Variants in ERH observed in about 807,000 individuals in gnomAD.
ERH encodes ERH mRNA splicing and mitosis factor.
A neutral mutation model predicts 16.8 loss-of-function variants in ERH; 1 was observed. The ratio of observed to expected loss-of-function variants is 0.06; its 90% CI spans 0.02 to 0.28. ERH has a LOEUF of 0.28. Among genes scored for constraint, ERH ranks in the 10% least tolerant of loss-of-function variants. The pLI is 1.00. For missense variants in ERH, 42 were observed against 127.5 expected, an observed-to-expected ratio of 0.33 and a Z score of 3.23; for synonymous variants, 43 against 43.6, an observed-to-expected ratio of 0.99 and a Z score of 0.05.
At chr14:69,388,644 G>A (rs930404536) in intron 2 of ERH, among the ~76,000 whole-genome samples, 1 of 152,106 alleles carries the variant, frequency 6.6e-6, no homozygotes, top group Non-Finnish European at 1.5e-5. Flanking sequence ...TTACAGGCTT[G>A]AGCCATCGTG....
intron 3 of ERH, among the ~76,000 whole-genome samples, chr14:69,385,153 A>G (rs1402351240): frequency 6.6e-6 from 1 of 152,124 alleles, no homozygotes; most frequent in Non-Finnish European, 1.5e-5. Flanking sequence ...TATGCCCTCA[A>G]CCTTTAGCAA....
chr14:69,388,363 C>CTT, intron 2 of ERH, among the ~76,000 whole-genome samples: 1 of 148,724 alleles, frequency 6.7e-6, no homozygotes, highest in African/African-American at 2.5e-5. Flanking sequence ...TAATACTCTC[C>CTT]TTTTTTTTTT....
At position 69,392,209 on chromosome 14, in the gene ERH, G is replaced by GA. The variant is rs150769493; in HGVS notation, c.91+2615dup. Among the ~76,000 whole-genome samples, 240 of 131,130 alleles carry GA rather than the reference G, an allele frequency of 1.8e-3. 1 individual carries two copies. The highest frequency in any genetic ancestry group is 7.6e-3 in the Middle Eastern group (2 of 262). The allele number at this position is 131,130 out of a possible 152,430, so 86.0% of individuals were successfully genotyped here. A position where few individuals can be genotyped will look rare whatever the true frequency, so the allele number is the denominator to read the frequency against. On this transcript the variant is annotated intron_variant, in intron 2 of 3. Transcript: ENST00000557016. Reference sequence around the variant, plus strand: ...ATCTACAGGGGAATATTTACTACAAGAAAAAAAAAAAAAGAATAATAAAAT... The same window carrying GA: ...ATCTACAGGGGAATATTTACTACAAGAAAAAAAAAAAAAAGAATAATAAAAT...
chr14:69,389,856 T>C (rs1179721890), intron 2 of ERH, among the ~76,000 whole-genome samples: 6 of 152,156 alleles, frequency 3.9e-5, no homozygotes, highest in African/African-American at 1.4e-4. Flanking sequence ...ACTGCAGCCT[T>C]GACCTCTTAA....
At chr14:69,392,391 A>G (rs1882240393) in intron 2 of ERH, among the ~76,000 whole-genome samples, 1 of 152,212 alleles carries the variant, frequency 6.6e-6, no homozygotes. Flanking sequence ...TAATAAATGC[A>G]CATTGCTAAG....
intron 3 of ERH, among the ~76,000 whole-genome samples, chr14:69,385,489 C>G (rs2045886342): frequency 6.6e-6 from 1 of 151,886 alleles, no homozygotes; most frequent in Admixed American, 6.6e-5. Context: ...TTGAACTGTC[C>G]AAGAGCCAAT....
intron 3 of ERH, among the ~76,000 whole-genome samples, chr14:69,380,981 A>G (rs2045860112): frequency 6.6e-6 from 1 of 152,218 alleles, no homozygotes; most frequent in African/African-American, 2.4e-5. Context: ...TAGTGATTAA[A>G]AAACAACAAC....
chr14:69,382,703 G>A (rs1314388178), intron 3 of ERH, among the ~76,000 whole-genome samples: 2 of 151,540 alleles, frequency 1.3e-5, no homozygotes, highest in East Asian at 1.9e-4. Flanking sequence ...GCTGGGCGTG[G>A]TGGCGCGCAC....
Position 69,397,831 on chromosome 14 carries a change from T to C in ERH, c.3+400A>G, listed in dbSNP as rs185384521. ...TACTAGGGAGGCTGAGACAGGAGAA[T>C]TGCTTCAACCCAGGAGGCAGAGGTT... is the stretch of plus-strand genomic sequence containing the variant. On this transcript the variant is annotated intron_variant, in intron 1 of 3. Coordinates refer to ENST00000557016, the MANE Select transcript of ERH (RefSeq NM_004450.3). Among the ~76,000 whole-genome samples, 315 of 151,698 alleles carry C rather than the reference T, an allele frequency of 2.1e-3. 1 individual carries two copies. The highest frequency in any genetic ancestry group is 7.2e-3 in the African/African-American group (299 of 41,310).
chr14:69,380,486 T>C lies in ERH; in HGVS notation c.*52A>G, dbSNP rs1272744589. 7 of 1,030,242 alleles carry C rather than the reference T, an allele frequency of 6.8e-6. No homozygotes were observed. The highest frequency in any genetic ancestry group is 1.1e-5 in the Non-Finnish European group (7 of 649,056). 63.8% of individuals were successfully genotyped at this position (1,030,242 alleles called of 1,614,324 possible). A position where few individuals can be genotyped will look rare whatever the true frequency, so the allele number is the denominator to read the frequency against. On this transcript the variant is annotated 3_prime_UTR_variant, in exon 4 of 4. Coordinates refer to ENST00000557016, the MANE Select transcript of ERH (RefSeq NM_004450.3). ...ACAAAACTTCCACTACAGCACGCTG[T>C]ACACACCTGTGTTCCAAGCCCACCC...
chr14:69,394,270 C>T (rs12589107), intron 2 of ERH, among the ~76,000 whole-genome samples: 5,993 of 151,698 alleles, frequency 0.04, 158 homozygotes, highest in East Asian at 0.083. Flanking sequence ...GAAAGTCACT[C>T]ATTATATACA....
At chr14:69,398,085 GGAA>G in intron 1 of ERH, 143 bp downstream of exon 1, 2 of 1,054,612 alleles carry the variant, frequency 1.9e-6, no homozygotes, top group Non-Finnish European at 2.8e-6. Context: ...CCCTGCGGCG[GGAA>G]GAAGGGTCAA....
chr14:69,389,154 G>C (rs1017218332), intron 2 of ERH, among the ~76,000 whole-genome samples: 4 of 152,016 alleles, frequency 2.6e-5, no homozygotes, highest in Non-Finnish European at 5.9e-5. Flanking sequence ...AGCCTCCCGA[G>C]TAGCTGAGAT....
intron 2 of ERH, among the ~76,000 whole-genome samples, chr14:69,389,676 T>C (rs1316266112): frequency 6.6e-6 from 1 of 152,192 alleles, no homozygotes; most frequent in African/African-American, 2.4e-5. Context: ...GAAAACTCCA[T>C]TTATAACAGC....
Position 69,388,718 on chromosome 14 carries a change from C to A in ERH, c.92-1635G>T, listed in dbSNP as rs540987116. On this transcript the variant is annotated intron_variant, in intron 2 of 3. Transcript: ENST00000557016. ...AGAATACACCTTTTCAGTCTATTCC[C>A]GCTGTCAACTATTTTAAGACTACTA... Among the ~76,000 whole-genome samples, 4 of 152,254 alleles carry A rather than the reference C, an allele frequency of 2.6e-5. No individual in the cohort carries two copies. The South Asian group carries it at 8.3e-4, about 32-fold the overall frequency.
At chr14:69,384,589 G>A (rs557602789) in intron 3 of ERH, among the ~76,000 whole-genome samples, 4 of 152,090 alleles carry the variant, frequency 2.6e-5, no homozygotes, top group Non-Finnish European at 5.9e-5. Context: ...TTTCAGTAAG[G>A]TTCTTTTATA....
chr14:69,398,151 G>A, intron 1 of ERH, 80 bp downstream of exon 1: 3 of 1,549,186 alleles, frequency 1.9e-6, no homozygotes, highest in Non-Finnish European at 1.8e-6. Flanking sequence ...GGGGCTCGTG[G>A]GGAGGGGAAA....
chr14:69,391,795 G>C (rs1882217384), intron 2 of ERH, among the ~76,000 whole-genome samples: 2 of 151,992 alleles, frequency 1.3e-5, no homozygotes, highest in Admixed American at 6.6e-5. Context: ...AGGGGTTTGG[G>C]GGTGGTGGCA....
chr14:69,380,603 T>C lies in ERH; in HGVS notation c.250A>G (p.Lys84Glu), dbSNP rs919975761. The C allele has an allele frequency of 6.2e-7, 1 of 1,611,216 alleles. No homozygotes were observed. The highest frequency in any genetic ancestry group is 2.2e-5 in the East Asian group (1 of 44,764). The change falls in exon 4 of 4, where the codon AAA becomes GAA. Residue 84 changes from lysine to glutamate, a missense_variant. Physicochemically the swap from Lys to Glu is moderately conservative, Grantham distance 56. Coordinates refer to ENST00000557016, the MANE Select transcript of ERH (RefSeq NM_004450.3). ...ADTQTYQPYN[K>E]DWIKEKIYVL... is the part of the protein sequence containing the mutation. ...TAGATCTTCTCTTTAATCCAGTCTT[T>C]GTTATAAGGCTGGTATGTCTGGGTA... is the stretch of plus-strand genomic sequence containing the variant.
Sources: allele counts gnomAD v4.1 joint callset (sites outside exome capture counted in the v4.1 genomes callset), GRCh38; gene constraint gnomAD v4.1.1; transcripts MANE v1.5; gene names NCBI Gene and HGNC (gene_info 2026-07-23, HGNC 2026-07-21).